CFAP36: variants seen among roughly 807,000 people sequenced by gnomAD.
The protein encoded by CFAP36 is cilia and flagella associated protein 36.
Under a neutral mutation model 50.5 loss-of-function variants are expected in CFAP36, and 37 were observed. The observed-to-expected ratio is 0.73, with a 90% CI of 0.56 to 0.96. The LOEUF is 0.96. CFAP36 is among the 50% of genes least tolerant of loss of function. The probability of loss-of-function intolerance (pLI) is 0.00; values close to 1 mark genes in which losing one functional copy is unlikely to be tolerated. For synonymous variants in CFAP36, 138 were observed against 128.2 expected (o/e 1.08, Z -0.52); for missense variants, 407 against 396.2 (o/e 1.03, Z -0.23).
intron 1 of CFAP36, among the ~76,000 whole-genome samples, chr2:55,521,621 G>GTA (rs1553453647): frequency 6.2e-5 from 9 of 144,238 alleles, no homozygotes; most frequent in South Asian, 4.5e-4. Context: ...GTGTGTGTGT[G>GTA]TATATTTTTT....
chr2:55,544,793 C>A (rs1684728577), intron 9 of CFAP36, 114 bp from the exon 10 acceptor site: 2 of 650,060 alleles, frequency 3.1e-6, no homozygotes, highest in East Asian at 5.5e-5. Context: ...TCTGTCTCTC[C>A]CTCCGTCCCA....
chr2:55,521,890 A>C (rs1684077509), intron 1 of CFAP36, among the ~76,000 whole-genome samples: 1 of 152,140 alleles, frequency 6.6e-6, no homozygotes, highest in Admixed American at 6.5e-5. Context: ...TTGGCCTCCG[A>C]AAGTGCTGGG....
In CFAP36 at chr2:55,535,747, G is replaced by A; in HGVS notation, c.521G>A (p.Arg174Lys). 1 of 1,548,652 alleles carries A rather than the reference G, an allele frequency of 6.5e-7. No homozygotes were observed. The highest frequency in any genetic ancestry group is 1.4e-5 in the African/African-American group (1 of 70,712). Residue 174 changes from arginine to lysine, a missense_variant, in exon 6 of 10, where the codon AGG becomes AAG. Physicochemically the swap from Arg to Lys is conservative, Grantham distance 26 (BLOSUM62 2). Coordinates refer to ENST00000349456, the MANE Select transcript of CFAP36 (RefSeq NM_080667.7). ...SKEEYDQEEE[R>K]KRKKQLSEAK... ...GAGGAATATGACCAGGAAGAAGAAAGGAAGAGGAAAAAACAGGTGCCTACA... is the reference window on the plus strand; with the variant it reads ...GAGGAATATGACCAGGAAGAAGAAAAGAAGAGGAAAAAACAGGTGCCTACA...
chr2:55,520,623 A>T (rs1684037663), intron 1 of CFAP36: 2 of 577,482 alleles, frequency 3.5e-6, no homozygotes, highest in South Asian at 3.7e-5. Context: ...TCAGGCTTGG[A>T]GTTCTGCATT....
In CFAP36 at chr2:55,519,849, C is replaced by T. The variant is rs1684007806; in HGVS notation, c.48C>T (p.Ile16=). 1 of 1,614,228 alleles carries T rather than the reference C, an allele frequency of 6.2e-7. No individual in the cohort carries two copies. Among genetic ancestry groups the T allele is most frequent in the Non-Finnish European group, 8.5e-7 (1 of 1,180,032 alleles). The change falls in exon 1 of 10, where the codon ATC becomes ATT. Residue 16 remains isoleucine (I), a synonymous_variant. Transcript: ENST00000349456. ...AGGTGGAGTGGGTAGTGGAGAGCAT[C>T]GCGGGGTTCCTGCGAGGCCCAGACT... ...EDEVEWVVES[I]AGFLRGPDWS... is the part of the protein sequence containing the mutation.
chr2:55,536,901 C>T (rs986990537), intron 6 of CFAP36, among the ~76,000 whole-genome samples: 1 of 132,794 alleles, frequency 7.5e-6, no homozygotes, highest in African/African-American at 2.9e-5. Flanking sequence ...CCTGCCACCA[C>T]TCTTGGCTAA....
In CFAP36 at chr2:55,544,984, C is replaced by T; in HGVS notation, c.1005C>T (p.Leu335=). The T allele has an allele frequency of 6.3e-7, 1 of 1,592,134 alleles. No homozygotes were observed. Among genetic ancestry groups the T allele is most frequent in the South Asian group, 1.1e-5 (1 of 87,570 alleles). The part of the protein sequence containing the change: ...LLKRRLLAEK[L]KEEVINK ...AGAGGAGATTGCTTGCAGAGAAACT[C>T]AAAGAAGAAGTTATTAATAAGTAAT... The change falls in exon 10 of 10, where the codon CTC becomes CTT. Residue 335 remains leucine (L), a synonymous_variant. Transcript: ENST00000349456.
In CFAP36 at chr2:55,544,250, C is replaced by A; in HGVS notation, c.808C>A (p.Arg270=). The part of the protein sequence containing the change: ...NLSVLGTEEL[R]QREHYLKQKR... Reference sequence around the variant, plus strand: ...ATCAGTACTTGGAACAGAAGAACTTCGGCAACGAGAACACTATCTCAAGCA... The same window carrying A: ...ATCAGTACTTGGAACAGAAGAACTTAGGCAACGAGAACACTATCTCAAGCA... Residue 270 remains arginine (R), a synonymous_variant, in exon 9 of 10, where the codon CGG becomes AGG. Transcript: ENST00000349456. 2 of 1,613,588 alleles carry A rather than the reference C, an allele frequency of 1.2e-6. No individual in the cohort carries two copies. Among genetic ancestry groups the A allele is most frequent in the South Asian group, 1.1e-5 (1 of 90,990 alleles).
chr2:55,536,424 C>G (rs981124507), intron 6 of CFAP36, among the ~76,000 whole-genome samples: 4 of 151,918 alleles, frequency 2.6e-5, no homozygotes, highest in Non-Finnish European at 4.4e-5. Flanking sequence ...AGCCACCATG[C>G]CCGGCCAGAA....
At chr2:55,529,678 G>C (rs1197181832) in intron 4 of CFAP36, among the ~76,000 whole-genome samples, 1 of 136,754 alleles carries the variant, frequency 7.3e-6, no homozygotes, top group East Asian at 2.1e-4. Context: ...ACGGAGTCTC[G>C]CTCTGTTGCT....
At chr2:55,544,819 G>T (rs895781526) in intron 9 of CFAP36, 88 bp from the exon 10 acceptor site, 1 of 786,964 alleles carries the variant, frequency 1.3e-6, no homozygotes, top group East Asian at 2.7e-5. Flanking sequence ...AGGTGCCCCC[G>T]ATTTTTGTTC....
intron 7 of CFAP36, chr2:55,539,570 G>A (rs147950838): frequency 2.0e-5 from 3 of 152,344 alleles, no homozygotes; most frequent in African/African-American, 7.2e-5. Flanking sequence ...TATGAATAAA[G>A]CTGCTATAAA....
At chr2:55,520,379 G>C (rs1445609376) in intron 1 of CFAP36, 1 of 1,523,748 alleles carries the variant, frequency 6.6e-7, no homozygotes, top group Non-Finnish European at 8.8e-7. Context: ...TAGGAAATGA[G>C]AAATGATTTC....
In CFAP36 at chr2:55,535,762, A is replaced by G. The variant is rs1463636150; in HGVS notation, c.536A>G (p.Gln179Arg). The change falls in exon 6 of 10, where the codon CAG (glutamine) becomes CGG (arginine). Residue 179 changes from glutamine (Q) to arginine (R), a missense_variant and splice_region_variant. Gln to Arg is a conservative substitution (Grantham distance 43, BLOSUM62 1). Transcript: ENST00000349456. ...GAAGAAGAAAGGAAGAGGAAAAAAC[A>G]GGTGCCTACAGAACATATAACAGAA... ...DQEEERKRKK[Q>R]LSEAKTEEPT... 6.4e-7 allele frequency: 1 copy of G among 1,556,164 alleles called. No individual in the cohort carries two copies. The highest frequency in any genetic ancestry group is 8.6e-7 in the Non-Finnish European group (1 of 1,160,212).
rs756772530 is a variant in CFAP36, at chr2:55,537,528, G to T, written c.583G>T (p.Ala195Ser). Residue 195 changes from alanine to serine, a missense_variant, in exon 7 of 10, where the codon GCT becomes TCT. Coordinates refer to ENST00000349456, the MANE Select transcript of CFAP36 (RefSeq NM_080667.7). ...TEEPTVHSSEAAIMNNSQGDG... is the reference protein window; with the variant it reads ...TEEPTVHSSESAIMNNSQGDG... ...AGAGCCCACAGTGCATTCCAGTGAA[G>T]CTGCAATAATGAATAATTCCCAAGG... 1.9e-6 allele frequency: 3 copies of T among 1,613,788 alleles called. No homozygotes were observed. The highest frequency in any genetic ancestry group is 2.5e-6 in the Non-Finnish European group (3 of 1,179,836).
rs543907808 is a variant in CFAP36, at chr2:55,528,732, A to T, written c.283-146A>T. On this transcript the variant is annotated intron_variant, in intron 3 of 9. Coordinates refer to ENST00000349456, the MANE Select transcript of CFAP36 (RefSeq NM_080667.7). The stretch of plus-strand genomic sequence containing the variant: ...TTTAAAGGCTATTAAGATAAATTTT[A>T]AAATTGTCCTTTTGGGACATCTAAT... The T allele has an allele frequency of 1.6e-5, 9 of 560,494 alleles. No homozygotes were observed. In the East Asian group the frequency reaches 2.8e-4, roughly 17 times the overall value. The allele number at this position is 560,494 out of a possible 1,614,324, so 34.7% of individuals were successfully genotyped here. A position where few individuals can be genotyped will look rare whatever the true frequency, so the allele number is the denominator to read the frequency against.
At chr2:55,521,710 A>C (rs1684071281) in intron 1 of CFAP36, among the ~76,000 whole-genome samples, 1 of 150,794 alleles carries the variant, frequency 6.6e-6, no homozygotes, top group Non-Finnish European at 1.5e-5. Context: ...GCTCACTGCA[A>C]CCTCCGCCTC....
chr2:55,537,432 A>G, intron 6 of CFAP36, 51 bp from the exon 7 acceptor site: 1 of 1,253,472 alleles, frequency 8.0e-7, no homozygotes, highest in Non-Finnish European at 1.1e-6. Flanking sequence ...ATTAGTTAAA[A>G]TGAATCTAAA....
At chr2:55,522,212 C>G in intron 2 of CFAP36, 46 bp downstream of exon 2, 1 of 914,536 alleles carries the variant, frequency 1.1e-6, no homozygotes, top group Non-Finnish European at 1.7e-6. Flanking sequence ...TAGGCTAATA[C>G]TACTTATAGC....
Sources: allele counts gnomAD v4.1 joint callset (sites outside exome capture counted in the v4.1 genomes callset), GRCh38; gene constraint gnomAD v4.1.1; transcripts MANE v1.5; gene names NCBI Gene and HGNC (gene_info 2026-07-23, HGNC 2026-07-21).